The following HIPK3 variants were observed in gnomAD, a reference collection of about 807,000 sequenced individuals.
HIPK3 encodes the protein homeodomain interacting protein kinase 3.
A neutral mutation model predicts 124.2 loss-of-function variants in HIPK3; 47 were observed. The observed-to-expected ratio is 0.38, with a 90% CI of 0.30 to 0.48. HIPK3 has a LOEUF of 0.48. Among genes scored for constraint, HIPK3 ranks in the 20% least tolerant of loss-of-function variants. HIPK3 has a pLI of 0.98. For synonymous variants in HIPK3, 482 were observed against 515.2 expected (o/e 0.94, Z 0.87); for missense variants, 1,286 against 1,454.3 (o/e 0.88, Z 1.88).
chr11:33,349,056 T>C lies in HIPK3; in HGVS notation c.2667-91T>C, dbSNP rs1028784394. On this transcript the variant is annotated intron_variant, in intron 13 of 16. Transcript: ENST00000303296. ...TCCATGTAGGTCATTCTTAACAGTT[T>C]CATATCCTTAATTAAAGAATATAAA... 6.5e-6 allele frequency: 8 copies of C among 1,236,420 alleles called. No homozygotes were observed. The African/African-American group carries it at 1.1e-4, about 16-fold the overall frequency. 76.6% of individuals were successfully genotyped at this position (1,236,420 alleles called of 1,614,324 possible).
At position 33,348,191 on chromosome 11, in the gene HIPK3, T is replaced by A; in HGVS notation, c.2332T>A (p.Trp778Arg). The A allele has an allele frequency of 6.2e-7, 1 of 1,614,052 alleles. No individual in the cohort carries two copies. Among genetic ancestry groups the A allele is most frequent in the Non-Finnish European group, 8.5e-7 (1 of 1,179,944 alleles). The change falls in exon 12 of 17, where the codon TGG (tryptophan) becomes AGG (arginine). Residue 778 changes from tryptophan (W) to arginine (R), a missense_variant. By Grantham distance (101) the Trp-to-Arg change is moderately radical. Around this residue, in one of 3 missense-constraint regions of HIPK3, gnomAD observed 810 missense variants for 864.9 expected, o/e 0.94. Transcript: ENST00000303296. ...AGGTATTTTGGTAAAACTAATGGAA[T>A]GGGAGCCAGGAAGAGAGGAAATAAA... ...NRGILVKLME[W>R]EPGREEINAF...
At chr11:33,304,749 T>C (rs1852106579) in intron 2 of HIPK3, among the ~76,000 whole-genome samples, 1 of 152,220 alleles carries the variant, frequency 6.6e-6, no homozygotes. Context: ...GAGAGAACCT[T>C]CTTCTGTGTC....
intron 1 of HIPK3, among the ~76,000 whole-genome samples, chr11:33,286,170 A>T (rs190755553): frequency 1.3e-5 from 2 of 152,166 alleles, no homozygotes; most frequent in African/African-American, 4.8e-5. Context: ...CTTTATTCTT[A>T]GCCTTTTAAC....
intron 2 of HIPK3, among the ~76,000 whole-genome samples, chr11:33,308,429 T>C (rs926009058): frequency 6.6e-6 from 1 of 152,242 alleles, no homozygotes; most frequent in Non-Finnish European, 1.5e-5. Context: ...TTCTCCTAAG[T>C]ATGTTTTGAG....
At chr11:33,308,930 A>T (rs563157218) in intron 2 of HIPK3, among the ~76,000 whole-genome samples, 2 of 151,802 alleles carry the variant, frequency 1.3e-5, no homozygotes, top group Non-Finnish European at 2.9e-5. Flanking sequence ...TCTTTTAAAA[A>T]TTCCTCTTCT....
At chr11:33,284,306 C>G (rs1851490428) in intron 1 of HIPK3, among the ~76,000 whole-genome samples, 1 of 152,024 alleles carries the variant, frequency 6.6e-6, no homozygotes, top group Non-Finnish European at 1.5e-5. Context: ...GTGTGAAAGA[C>G]AGATATATAC....
At chr11:33,284,235 C>CCAA in intron 1 of HIPK3, among the ~76,000 whole-genome samples, 1 of 151,964 alleles carries the variant, frequency 6.6e-6, no homozygotes, top group Non-Finnish European at 1.5e-5. Flanking sequence ...TTTCAACCAA[C>CCAA]CAACAAGCCA....
Position 33,338,834 on chromosome 11 carries a change from T to A in HIPK3, c.1419T>A (p.Asp473Glu). 6.2e-7 allele frequency: 1 copy of A among 1,609,996 alleles called. No individual in the cohort carries two copies. The highest frequency in any genetic ancestry group is 8.5e-7 in the Non-Finnish European group (1 of 1,176,694). Residue 473 changes from aspartate (D) to glutamate (E), a missense_variant, in exon 5 of 17, where the codon GAT (aspartate) becomes GAA (glutamate). Coordinates refer to ENST00000303296, the MANE Select transcript of HIPK3 (RefSeq NM_005734.5). Reference sequence around the variant, plus strand: ...AATACATTTTCAACAGTCTGGATGATGTAGCGCATGTGAGTACCATAGCCA... The same window carrying A: ...AATACATTTTCAACAGTCTGGATGAAGTAGCGCATGTGAGTACCATAGCCA... ...ARKYIFNSLD[D>E]VAHVNTVMDL...
At chr11:33,309,749 A>G (rs1852267642) in intron 2 of HIPK3, among the ~76,000 whole-genome samples, 1 of 152,186 alleles carries the variant, frequency 6.6e-6, no homozygotes, top group African/African-American at 2.4e-5. Flanking sequence ...TTTTTATCTT[A>G]TGAGGCAATT....
At chr11:33,321,878 C>G (rs543179163) in intron 2 of HIPK3, among the ~76,000 whole-genome samples, 1 of 152,194 alleles carries the variant, frequency 6.6e-6, no homozygotes, top group African/African-American at 2.4e-5. Flanking sequence ...TGTATCTACT[C>G]CTGAGTATTT....
intron 8 of HIPK3, 27 bp downstream of exon 8, chr11:33,341,713 G>A (rs779412970): frequency 6.4e-7 from 1 of 1,569,794 alleles, no homozygotes; most frequent in East Asian, 2.3e-5. Context: ...ATTTTGCTTT[G>A]AATCTAGGCA....
chr11:33,265,314 TGTATTTTAAA>T (rs1336083094), intron 1 of HIPK3, among the ~76,000 whole-genome samples: 1 of 148,464 alleles, frequency 6.7e-6, no homozygotes, highest in Admixed American at 6.6e-5. Flanking sequence ...GTTGTAGTTT[TGTATTTTAAA>T]GTTAGGTAAG....
At chr11:33,338,029 A>G (rs1418381463) in intron 4 of HIPK3, among the ~76,000 whole-genome samples, 2 of 152,200 alleles carry the variant, frequency 1.3e-5, no homozygotes, top group Non-Finnish European at 2.9e-5. Flanking sequence ...TCTCTAATTC[A>G]GCAACATAAT....
chr11:33,343,711 A>C (rs1341190510), intron 8 of HIPK3, among the ~76,000 whole-genome samples: 1 of 152,226 alleles, frequency 6.6e-6, no homozygotes, highest in Non-Finnish European at 1.5e-5. Context: ...ATGTGAAAAC[A>C]GGTCAGATCT....
At chr11:33,283,201 C>G (rs1415052715) in intron 1 of HIPK3, among the ~76,000 whole-genome samples, 4 of 151,902 alleles carry the variant, frequency 2.6e-5, no homozygotes, top group African/African-American at 9.7e-5. Context: ...ACCTCTACCT[C>G]CCGGGTTCAC....
intron 8 of HIPK3, among the ~76,000 whole-genome samples, chr11:33,346,896 T>C (rs1853509560): frequency 6.6e-6 from 1 of 152,142 alleles, no homozygotes; most frequent in Non-Finnish European, 1.5e-5. Context: ...GTATCATAAC[T>C]CCACAATCAG....
intron 1 of HIPK3, among the ~76,000 whole-genome samples, chr11:33,285,618 T>A (rs1467156255): frequency 6.6e-5 from 10 of 151,680 alleles, no homozygotes; most frequent in Non-Finnish European, 1.3e-4. Context: ...ACATAGATTT[T>A]TTTTCCTCCT....
chr11:33,287,762 C>A (rs1284953812), intron 2 of HIPK3, among the ~76,000 whole-genome samples: 1 of 151,990 alleles, frequency 6.6e-6, no homozygotes, highest in Non-Finnish European at 1.5e-5. Context: ...TAATGGAAGA[C>A]TTGAAGGAAT....
chr11:33,301,716 G>A (rs965371205), intron 2 of HIPK3, among the ~76,000 whole-genome samples: 1 of 151,662 alleles, frequency 6.6e-6, no homozygotes, highest in African/African-American at 2.4e-5. Flanking sequence ...CAGCTATCTG[G>A]GATGCTGAGG....
Sources: gnomAD v4.1 joint callset for allele counts (sites outside exome capture counted in the v4.1 genomes callset) on GRCh38, gnomAD v4.1.1 for gene constraint, gnomAD v4.1.1 regional missense constraint, MANE v1.5 for transcripts, NCBI Gene and HGNC (gene_info 2026-07-23, HGNC 2026-07-21) for gene names.